DLEU7: variants seen among roughly 807,000 people sequenced by gnomAD.
DLEU7 encodes leukemia-associated protein 7.
A neutral mutation model predicts 16.0 loss-of-function variants in DLEU7; 17 were observed. That is an observed-to-expected ratio of 1.06 (90% CI 0.73 to 1.59). The LOEUF (loss-of-function observed/expected upper bound fraction) is 1.59, where lower values mean the gene tolerates loss of function less well. Among genes scored for constraint, DLEU7 ranks in the 40% most tolerant of loss-of-function variants. The pLI is 0.00. For synonymous variants in DLEU7, 113 were observed against 139.8 expected (o/e 0.81, Z 1.35); for missense variants, 308 against 314.9 (o/e 0.98, Z 0.17).
At chr13:50,816,903 C>A (rs538698095) in intron 1 of DLEU7, among the ~76,000 whole-genome samples, 7 of 152,214 alleles carry the variant, frequency 4.6e-5, no homozygotes, top group Non-Finnish European at 1.5e-5. Context: ...GCCACACACA[C>A]ACACGGCGCC....
intron 1 of DLEU7, among the ~76,000 whole-genome samples, chr13:50,717,593 T>C (rs1873475452): frequency 1.3e-5 from 2 of 151,160 alleles, no homozygotes; most frequent in South Asian, 4.2e-4. Flanking sequence ...TTTTTTTTTT[T>C]CAAATTTAGG....
At chr13:50,805,784 T>C (rs1012884726) in intron 1 of DLEU7, among the ~76,000 whole-genome samples, 1 of 152,202 alleles carries the variant, frequency 6.6e-6, no homozygotes, top group Non-Finnish European at 1.5e-5. Flanking sequence ...CACACCCTTA[T>C]TGCTAGAGAA....
At chr13:50,801,995 G>T (rs1444847493) in intron 1 of DLEU7, among the ~76,000 whole-genome samples, 1 of 151,970 alleles carries the variant, frequency 6.6e-6, no homozygotes, top group Non-Finnish European at 1.5e-5. Context: ...GGCAAGGAAG[G>T]CCCGCTTGGA....
chr13:50,733,873 T>C (rs529759568), intron 1 of DLEU7, among the ~76,000 whole-genome samples: 1 of 152,284 alleles, frequency 6.6e-6, no homozygotes, highest in East Asian at 1.9e-4. Context: ...CTAAAGGCCG[T>C]AGAGAAAATA....
intron 1 of DLEU7, among the ~76,000 whole-genome samples, chr13:50,769,343 T>C (rs1445505441): frequency 6.6e-6 from 1 of 152,246 alleles, no homozygotes; most frequent in East Asian, 1.9e-4. Context: ...TTTGGTGTTT[T>C]AGTCAAGAAG....
exon 2 of DLEU7, chr13:50,711,983 A>G (rs1411314321): frequency 6.6e-6 from 1 of 152,044 alleles, no homozygotes; most frequent in Non-Finnish European, 1.5e-5. Flanking sequence ...GGGACCATTT[A>G]TGAAACTATC....
intron 1 of DLEU7, among the ~76,000 whole-genome samples, chr13:50,810,240 G>A (rs144562100): frequency 2.0e-3 from 306 of 150,656 alleles, no homozygotes; most frequent in African/African-American, 6.9e-3. Context: ...TTCAGTGGTT[G>A]TAGGCATTCA....
intron 1 of DLEU7, among the ~76,000 whole-genome samples, chr13:50,807,445 A>G (rs1358550938): frequency 1.3e-5 from 2 of 151,652 alleles, no homozygotes; most frequent in Non-Finnish European, 2.9e-5. Context: ...TCCAGGTACC[A>G]CTGCCTATAA....
chr13:50,820,189 G>A (rs1876854240), downstream of DLEU7, among the ~76,000 whole-genome samples: 5 of 152,006 alleles, frequency 3.3e-5, no homozygotes, highest in South Asian at 2.1e-4. Context: ...TTTTGATGGC[G>A]TTGTGGGCAC....
chr13:50,783,650 G>A (rs1194415572), intron 1 of DLEU7, among the ~76,000 whole-genome samples: 1 of 152,188 alleles, frequency 6.6e-6, no homozygotes, highest in African/African-American at 2.4e-5. Context: ...TATAGCTGAT[G>A]GATTGATGGC....
chr13:50,773,288 C>T (rs1875385917), intron 1 of DLEU7, among the ~76,000 whole-genome samples: 1 of 152,180 alleles, frequency 6.6e-6, no homozygotes, highest in Admixed American at 6.5e-5. Context: ...CAAAGTCATT[C>T]TCTATCCAGC....
downstream of DLEU7, among the ~76,000 whole-genome samples, chr13:50,821,016 C>T (rs563306094): frequency 2.6e-4 from 39 of 152,138 alleles, no homozygotes; most frequent in South Asian, 4.1e-4. Flanking sequence ...TCAGTAGCCA[C>T]GTGCGGCCAG....
intron 1 of DLEU7, among the ~76,000 whole-genome samples, chr13:50,788,719 T>G (rs969365398): frequency 1.3e-5 from 2 of 152,194 alleles, no homozygotes; most frequent in African/African-American, 4.8e-5. Context: ...GATGTTCAAA[T>G]GTGGAAGTGA....
At chr13:50,837,979 G>A (rs1445972993) in intron 1 of DLEU7, among the ~76,000 whole-genome samples, 1 of 152,126 alleles carries the variant, frequency 6.6e-6, no homozygotes, top group Non-Finnish European at 1.5e-5. Context: ...GACCAAAAGG[G>A]TCAGCGGAAA....
chr13:50,786,552 A>G (rs1359985694), intron 1 of DLEU7, among the ~76,000 whole-genome samples: 1 of 152,192 alleles, frequency 6.6e-6, no homozygotes, highest in African/African-American at 2.4e-5. Context: ...TTAAGAATGG[A>G]GAAAATTGCT....
At chr13:50,780,942 C>T (rs1445296947) in intron 1 of DLEU7, among the ~76,000 whole-genome samples, 1 of 152,212 alleles carries the variant, frequency 6.6e-6, no homozygotes, top group East Asian at 1.9e-4. Flanking sequence ...AGAGCCAGCA[C>T]TCAAACACTG....
chr13:50,765,398 T>C (rs1875072292), intron 1 of DLEU7, among the ~76,000 whole-genome samples: 1 of 149,944 alleles, frequency 6.7e-6, no homozygotes, highest in Non-Finnish European at 1.5e-5. Flanking sequence ...GGAAGATAAA[T>C]GGAAGAAGAC....
At chr13:50,763,629 C>G (rs1319869972) in intron 1 of DLEU7, among the ~76,000 whole-genome samples, 1 of 152,154 alleles carries the variant, frequency 6.6e-6, no homozygotes. Flanking sequence ...AAATAGAATT[C>G]ACCTCTGAAT....
intron 1 of DLEU7, chr13:50,839,945 A>G (rs1877591178): frequency 6.6e-6 from 1 of 152,230 alleles, no homozygotes; most frequent in African/African-American, 2.4e-5. Flanking sequence ...TAACTTACCC[A>G]AGGGCCAATG....
Sources: allele counts gnomAD v4.1 joint callset (sites outside exome capture counted in the v4.1 genomes callset), GRCh38; gene constraint gnomAD v4.1.1; transcripts MANE v1.5; gene names NCBI Gene and HGNC (gene_info 2026-07-23, HGNC 2026-07-21).